FHIT: variants seen among roughly 807,000 people sequenced by gnomAD.
FHIT encodes the protein bis(5'-adenosyl)-triphosphatase.
Under a neutral mutation model 17.9 loss-of-function variants are expected in FHIT, and 19 were observed. The observed-to-expected ratio is 1.06, with a 90% CI of 0.74 to 1.56. The LOEUF is 1.56. Among genes scored for constraint, FHIT ranks in the 40% most tolerant of loss-of-function variants. The pLI is 0.00. For missense variants in FHIT, 248 were observed against 189.2 expected (o/e 1.31, Z -1.82); for synonymous variants, 81 against 69.7 (o/e 1.16, Z -0.81).
chr3:60,952,049 C>A (rs1351228166), intron 3 of FHIT, among the ~76,000 whole-genome samples: 2 of 151,910 alleles, frequency 1.3e-5, no homozygotes, highest in African/African-American at 4.8e-5. Context: ...ACCTGTAATC[C>A]CAGCTACTCG....
intron 5 of FHIT, among the ~76,000 whole-genome samples, chr3:60,408,066 T>C (rs143106615): frequency 2.1e-4 from 32 of 152,286 alleles, no homozygotes; most frequent in African/African-American, 7.5e-4. Flanking sequence ...TTTCCTCAAG[T>C]CTTTTCAACC....
chr3:60,072,080 T>A (rs750222158), intron 5 of FHIT, among the ~76,000 whole-genome samples: 1 of 152,030 alleles, frequency 6.6e-6, no homozygotes, highest in Non-Finnish European at 1.5e-5. Context: ...ATACAGGTAA[T>A]AAAGACTTGA....
chr3:60,129,049 G>GTTGTTTT (rs759645654), intron 5 of FHIT, among the ~76,000 whole-genome samples: 1,491 of 120,896 alleles, frequency 0.012, 66 homozygotes, highest in African/African-American at 0.044. Flanking sequence ...TTCCTTTTTT[G>GTTGTTTT]TTTGTTTTTT....
intron 8 of FHIT, among the ~76,000 whole-genome samples, chr3:59,900,399 A>G (rs1275629105): frequency 6.6e-6 from 1 of 152,184 alleles, no homozygotes; most frequent in Non-Finnish European, 1.5e-5. Flanking sequence ...TGATAGGCCT[A>G]CAATATCCAA....
intron 4 of FHIT, among the ~76,000 whole-genome samples, chr3:60,784,090 T>C (rs901875480): frequency 2.0e-5 from 3 of 152,234 alleles, no homozygotes; most frequent in Admixed American, 6.5e-5. Context: ...TGCTCATCCA[T>C]CCAGATCCCC....
intron 5 of FHIT, among the ~76,000 whole-genome samples, chr3:60,378,761 C>A (rs1700682761): frequency 1.3e-5 from 2 of 152,182 alleles, no homozygotes; most frequent in African/African-American, 4.8e-5. Flanking sequence ...CAATGCCTGA[C>A]CTTCAGACAC....
intron 5 of FHIT, among the ~76,000 whole-genome samples, chr3:60,390,395 C>CAAAAAAAAAAAAAAA (rs1701172943): frequency 2.2e-5 from 1 of 45,092 alleles, no homozygotes; most frequent in African/African-American, 1.3e-4. Context: ...TGTAATGGAG[C>CAAAAAAAAAAAAAAA]TAAAAAAAAA....
intron 7 of FHIT, among the ~76,000 whole-genome samples, chr3:59,953,414 A>G (rs1707223896): frequency 6.6e-6 from 1 of 151,822 alleles, no homozygotes; most frequent in Non-Finnish European, 1.5e-5. Context: ...TCTGCAAAAC[A>G]CTTAGAGTTG....
intron 5 of FHIT, among the ~76,000 whole-genome samples, chr3:60,365,757 A>G (rs536019090): frequency 6.6e-6 from 1 of 152,110 alleles, no homozygotes; most frequent in Non-Finnish European, 1.5e-5. Flanking sequence ...CAGAAAGTCA[A>G]CTCCTGGTCT....
intron 3 of FHIT, among the ~76,000 whole-genome samples, chr3:61,026,887 T>C (rs1369844334): frequency 6.6e-6 from 1 of 152,148 alleles, no homozygotes; most frequent in African/African-American, 2.4e-5. Context: ...CACTTTTGAG[T>C]TGGATTGAAA....
intron 5 of FHIT, among the ~76,000 whole-genome samples, chr3:60,377,941 T>C (rs1427983769): frequency 6.6e-6 from 1 of 152,204 alleles, no homozygotes; most frequent in Non-Finnish European, 1.5e-5. Context: ...GGACAATTAA[T>C]GAATGGTTTA....
chr3:60,692,911 G>C (rs781908036), intron 4 of FHIT, among the ~76,000 whole-genome samples: 1 of 152,190 alleles, frequency 6.6e-6, no homozygotes, highest in Non-Finnish European at 1.5e-5. Flanking sequence ...GCGTTTGCAT[G>C]TTTCTGAAGC....
intron 5 of FHIT, among the ~76,000 whole-genome samples, chr3:60,227,281 A>G (rs1704256064): frequency 6.6e-6 from 1 of 152,190 alleles, no homozygotes; most frequent in African/African-American, 2.4e-5. Flanking sequence ...TGTTTCATAC[A>G]TTATTAGATT....
chr3:60,048,881 G>T (rs1255052081), intron 5 of FHIT, among the ~76,000 whole-genome samples: 2 of 152,156 alleles, frequency 1.3e-5, no homozygotes, highest in Admixed American at 6.5e-5. Flanking sequence ...AAACATGATT[G>T]TGAAACCATA....
chr3:60,602,725 A>C (rs1444251813), intron 4 of FHIT, among the ~76,000 whole-genome samples: 1 of 152,172 alleles, frequency 6.6e-6, no homozygotes, highest in Non-Finnish European at 1.5e-5. Flanking sequence ...TGTCTTCTCC[A>C]AATTCATATG....
chr3:61,089,812 C>T (rs1391022933), intron 2 of FHIT, among the ~76,000 whole-genome samples: 1 of 152,136 alleles, frequency 6.6e-6, no homozygotes, highest in African/African-American at 2.4e-5. Flanking sequence ...TTCAATTTGA[C>T]ATAAGAAAAA....
intron 4 of FHIT, among the ~76,000 whole-genome samples, chr3:60,804,787 A>T (rs1231800486): frequency 1.3e-5 from 2 of 152,190 alleles, no homozygotes; most frequent in Non-Finnish European, 2.9e-5. Flanking sequence ...TCCATTGCAC[A>T]GCCCTGTATG....
At chr3:60,904,609 T>G (rs1444361626) in intron 3 of FHIT, among the ~76,000 whole-genome samples, 10 of 151,668 alleles carry the variant, frequency 6.6e-5, no homozygotes, top group Non-Finnish European at 5.9e-5. Flanking sequence ...ATTTATAAAA[T>G]ATATCACAGA....
intron 6 of FHIT, among the ~76,000 whole-genome samples, chr3:60,012,946 A>G (rs1700197276): frequency 6.6e-6 from 1 of 152,192 alleles, no homozygotes; most frequent in African/African-American, 2.4e-5. Context: ...TAGTCTCTCC[A>G]GAAACACGGT....
Sources: allele counts gnomAD v4.1 joint callset (sites outside exome capture counted in the v4.1 genomes callset), GRCh38; gene constraint gnomAD v4.1.1; transcripts MANE v1.5; gene names NCBI Gene and HGNC (gene_info 2026-07-23, HGNC 2026-07-21).